EPHA4: variants seen among roughly 807,000 people sequenced by gnomAD.
EPHA4 encodes ephrin type-A receptor 4.
In EPHA4, 19 loss-of-function variants were observed where a neutral mutation model predicts 108.3. The ratio of observed to expected loss-of-function variants is 0.18; its 90% CI spans 0.12 to 0.26. The LOEUF (loss-of-function observed/expected upper bound fraction) is 0.26, where lower values mean the gene tolerates loss of function less well. Ranked by LOEUF, EPHA4 falls within the 10% of genes least tolerant of loss-of-function variation. EPHA4 has a pLI of 1.00. For synonymous variants in EPHA4, 449 were observed against 455.5 expected (o/e 0.99, Z 0.18); for missense variants, 917 against 1,254.0 (o/e 0.73, Z 4.06).
chr2:221,484,024 A>C (rs1352667168), intron 4 of EPHA4, among the ~76,000 whole-genome samples: 1 of 152,150 alleles, frequency 6.6e-6, no homozygotes, highest in East Asian at 1.9e-4. Context: ...AGTTTTAAGA[A>C]AAATTTGAGG....
At chr2:221,562,866 C>T (rs947868489) in intron 3 of EPHA4, among the ~76,000 whole-genome samples, 1 of 152,044 alleles carries the variant, frequency 6.6e-6, no homozygotes, top group Non-Finnish European at 1.5e-5. Flanking sequence ...AGTATTCTGA[C>T]AGGAAGGGGT....
At position 221,490,114 on chromosome 2, in the gene EPHA4, C is replaced by G. The variant is rs187078595; in HGVS notation, c.980-7424G>C. Among the ~76,000 whole-genome samples the G allele has an allele frequency of 7.1e-4, 101 of 143,230 alleles. 1 individual carries two copies. The highest frequency in any genetic ancestry group is 2.5e-3 in the African/African-American group (98 of 38,496). 94.0% of individuals were successfully genotyped at this position (143,230 alleles called of 152,430 possible). ...TAAGCTGGGATCATGCCACTGTACT[C>G]TAGCCTGAGTGATGAATTGAGACCC... On this transcript the variant is annotated intron_variant, in intron 4 of 17. Coordinates refer to ENST00000281821, the MANE Select transcript of EPHA4 (RefSeq NM_004438.5).
chr2:221,430,108 A>T lies in EPHA4; in HGVS notation c.2540T>A (p.Met847Lys). The change falls in exon 15 of 18, where the codon ATG becomes AAG. Residue 847 changes from methionine (M) to lysine (K), a missense_variant. Around this residue, in one of 3 missense-constraint regions of EPHA4, gnomAD observed 758 missense variants for 1,076.7 expected, o/e 0.70. Transcript: ENST00000281821. ...CTGGTGGAGCGCAATGGGGCAGTCCATTGGAGGGGGTAACCGATAGCCTTC... is the reference window on the plus strand; with the variant it reads ...CTGGTGGAGCGCAATGGGGCAGTCCTTTGGAGGGGGTAACCGATAGCCTTC... Reference protein sequence around the residue: ...IEEGYRLPPPMDCPIALHQLM... With the variant: ...IEEGYRLPPPKDCPIALHQLM... 6.2e-7 allele frequency: 1 copy of T among 1,612,526 alleles called. No individual in the cohort carries two copies. The highest frequency in any genetic ancestry group is 8.5e-7 in the Non-Finnish European group (1 of 1,179,642).
At chr2:221,557,808 G>A (rs746455654) in intron 3 of EPHA4, among the ~76,000 whole-genome samples, 1 of 152,012 alleles carries the variant, frequency 6.6e-6, no homozygotes, top group Non-Finnish European at 1.5e-5. Flanking sequence ...CCAAATAATC[G>A]ATGTTACTAC....
intron 4 of EPHA4, among the ~76,000 whole-genome samples, chr2:221,484,480 A>T (rs1691921740): frequency 6.6e-6 from 1 of 152,182 alleles, no homozygotes; most frequent in African/African-American, 2.4e-5. Context: ...CCTTTAAAAC[A>T]TTTCACAAAA....
chr2:221,432,127 G>A (rs577995868), intron 14 of EPHA4, among the ~76,000 whole-genome samples: 5 of 146,866 alleles, frequency 3.4e-5, no homozygotes, highest in African/African-American at 1.3e-4. Flanking sequence ...TATATATATT[G>A]TTTTTTTATA....
At chr2:221,514,035 G>A (rs1692916925) in intron 3 of EPHA4, among the ~76,000 whole-genome samples, 1 of 151,986 alleles carries the variant, frequency 6.6e-6, no homozygotes, top group African/African-American at 2.4e-5. Flanking sequence ...AGTACAAAAG[G>A]GTGCTGGCAA....
chr2:221,514,091 G>C (rs950536605), intron 3 of EPHA4, among the ~76,000 whole-genome samples: 25 of 70,288 alleles, frequency 3.6e-4, no homozygotes, highest in African/African-American at 1.3e-3. Context: ...TGTAAGCCGG[G>C]GGGAGGGGGT....
chr2:221,443,101 C>T (rs1042966765), intron 10 of EPHA4, 87 bp from the exon 11 acceptor site: 6 of 1,383,706 alleles, frequency 4.3e-6, no homozygotes, highest in Non-Finnish European at 6.0e-6. Context: ...GTGCTTGTTA[C>T]ACGCCAGGCT....
intron 8 of EPHA4, among the ~76,000 whole-genome samples, chr2:221,448,231 T>G: frequency 7.6e-6 from 1 of 131,980 alleles, no homozygotes; most frequent in Non-Finnish European, 1.6e-5. Context: ...GATGAGGACA[T>G]GGAGCTGGGG....
At chr2:221,506,190 C>T (rs930488656) in intron 3 of EPHA4, among the ~76,000 whole-genome samples, 4 of 152,120 alleles carry the variant, frequency 2.6e-5, no homozygotes, top group African/African-American at 9.7e-5. Flanking sequence ...GCACTGGATA[C>T]ATAATATATC....
chr2:221,429,669 A>G (rs1574554794), intron 15 of EPHA4, among the ~76,000 whole-genome samples: 1 of 152,200 alleles, frequency 6.6e-6, no homozygotes, highest in African/African-American at 2.4e-5. Flanking sequence ...CCTCTTCCTA[A>G]ATTTCAGGCC....
At chr2:221,523,407 C>T (rs890968579) in intron 3 of EPHA4, among the ~76,000 whole-genome samples, 1 of 151,996 alleles carries the variant, frequency 6.6e-6, no homozygotes, top group Non-Finnish European at 1.5e-5. Flanking sequence ...CCTGCCTCAG[C>T]CTCCCGAGTA....
intron 3 of EPHA4, among the ~76,000 whole-genome samples, chr2:221,529,585 A>G (rs4302206): frequency 0.72 from 108,827 of 152,174 alleles, 39,486 homozygotes; most frequent in African/African-American, 0.84. Flanking sequence ...GAGATCCTCC[A>G]GTATCAAATC....
rs993911062 is a variant in EPHA4, at chr2:221,423,885, G to A, written c.*819+1324C>T. Among the ~76,000 whole-genome samples, 19 of 152,198 alleles carry A rather than the reference G, an allele frequency of 1.2e-4. 1 individual carries two copies. The highest frequency in any genetic ancestry group is 1.0e-3 in the Admixed American group (16 of 15,278). On this transcript the variant is annotated intron_variant, in intron 17 of 17. Transcript: ENST00000281821. ...AATCCCAACACTTTGGGAGGCTGAG[G>A]CAGGTGGACTGTCTGAGATCAAGAG...
At chr2:221,450,074 C>T in intron 8 of EPHA4, among the ~76,000 whole-genome samples, 1 of 152,192 alleles carries the variant, frequency 6.6e-6, no homozygotes, top group South Asian at 2.1e-4. Context: ...TCATCTGCCC[C>T]CACTTGTGTG....
In EPHA4 at chr2:221,434,262, C is replaced by T. The variant is rs141789136; in HGVS notation, c.2376G>A (p.Ala792=). 4.8e-4 allele frequency: 767 copies of T among 1,614,042 alleles called. 10 individuals carry two copies. In the African/African-American group the frequency reaches 7.7e-3, roughly 16 times the overall value. Residue 792 remains alanine, a synonymous_variant, in exon 14 of 18, where the codon GCG becomes GCA. Transcript: ENST00000281821. ...RGGKIPIRWT[A]PEAIAYRKFT... ...ATTTACGATAGGCAATTGCTTCTGGCGCAGTCCACCGGATAGGAATCTTGC... is the reference window on the plus strand; with the variant it reads ...ATTTACGATAGGCAATTGCTTCTGGTGCAGTCCACCGGATAGGAATCTTGC...
chr2:221,457,953 G>A lies in EPHA4; in HGVS notation c.1356C>T (p.Val452=), dbSNP rs148386077. ...SSIALVQAKE[V]TRYSVALAWL... ...AAGCCAGTGCCACACTGTATCTTGT[G>A]ACTTCTTTAGCCTGGACCAAAGCAA... Residue 452 remains valine, a synonymous_variant, in exon 6 of 18, where the codon GTC becomes GTT. Transcript: ENST00000281821. The A allele has an allele frequency of 1.0e-4, 165 of 1,613,662 alleles. No individual in the cohort carries two copies. The highest frequency in any genetic ancestry group is 5.0e-5 in the Admixed American group (3 of 59,988).
rs1694743944 is a variant in EPHA4 at position 221,568,761 on chromosome 2, A to G, written c.116T>C (p.Val39Ala). 3.1e-6 allele frequency: 5 copies of G among 1,613,886 alleles called. No homozygotes were observed. The South Asian group carries it at 3.3e-5, about 11-fold the overall frequency. Residue 39 changes from valine (V) to alanine (A), a missense_variant, in exon 2 of 18, where the codon GTT becomes GCT. Coordinates refer to ENST00000281821, the MANE Select transcript of EPHA4 (RefSeq NM_004438.5). ...TGCTATCCACCCAAGTTCTCCCTGA[A>G]CAGATCTGGAATCCAATAAGGTAAC... The part of the protein sequence containing the change: ...NEVTLLDSRS[V>A]QGELGWIASP...
Sources: gnomAD v4.1 joint callset for allele counts (sites outside exome capture counted in the v4.1 genomes callset) on GRCh38, gnomAD v4.1.1 for gene constraint, gnomAD v4.1.1 regional missense constraint, MANE v1.5 for transcripts, NCBI Gene and HGNC (gene_info 2026-07-23, HGNC 2026-07-21) for gene names.